FAM135B: variants seen among roughly 807,000 people sequenced by gnomAD.
FAM135B encodes the protein protein FAM135B.
In FAM135B, 43 loss-of-function variants were observed where a neutral mutation model predicts 127.7. The ratio of observed to expected loss-of-function variants is 0.34; its 90% CI spans 0.26 to 0.43. The LOEUF (loss-of-function observed/expected upper bound fraction) is 0.43. Ranked by LOEUF, FAM135B falls within the 20% of genes least tolerant of loss-of-function variation. The probability of loss-of-function intolerance (pLI) is 1.00; values close to 1 mark genes in which losing one functional copy is unlikely to be tolerated. For synonymous variants in FAM135B, 670 were observed against 665.1 expected (o/e 1.01, Z -0.11); for missense variants, 1,558 against 1,725.6 (o/e 0.90, Z 1.72).
intron 18 of FAM135B, among the ~76,000 whole-genome samples, chr8:138,138,784 C>T (rs1419321514): frequency 4.6e-5 from 7 of 152,244 alleles, no homozygotes; most frequent in South Asian, 2.1e-4. Context: ...CAATCTCTCA[C>T]GTGCCATATG....
At chr8:138,333,324 G>C (rs964766074) in intron 2 of FAM135B, among the ~76,000 whole-genome samples, 1 of 152,158 alleles carries the variant, frequency 6.6e-6, no homozygotes, top group Non-Finnish European at 1.5e-5. Context: ...CCTATTTTCT[G>C]ATAGCATCTT....
intron 13 of FAM135B, among the ~76,000 whole-genome samples, chr8:138,149,708 C>T (rs549525092): frequency 9.9e-5 from 15 of 152,262 alleles, no homozygotes; most frequent in African/African-American, 3.6e-4. Context: ...AGAGTAGATG[C>T]CATCTTCTCT....
chr8:138,213,392 T>C (rs1228820736), intron 7 of FAM135B, among the ~76,000 whole-genome samples: 2 of 152,228 alleles, frequency 1.3e-5, no homozygotes, highest in African/African-American at 4.8e-5. Flanking sequence ...CAACAGCATG[T>C]CATCTCATTT....
At chr8:138,310,499 C>A (rs149225469) in intron 3 of FAM135B, among the ~76,000 whole-genome samples, 1 of 152,128 alleles carries the variant, frequency 6.6e-6, no homozygotes, top group Non-Finnish European at 1.5e-5. Flanking sequence ...AGTTGATTCC[C>A]AGGTTCCCTT....
intron 1 of FAM135B, among the ~76,000 whole-genome samples, chr8:138,386,707 A>G (rs1832239479): frequency 6.6e-6 from 1 of 152,242 alleles, no homozygotes; most frequent in Non-Finnish European, 1.5e-5. Flanking sequence ...TTTTTAAAAC[A>G]ATCTTCCTTT....
intron 12 of FAM135B, 132 bp from the exon 13 acceptor site, chr8:138,153,348 C>G: frequency 1.5e-6 from 1 of 661,960 alleles, no homozygotes. Context: ...ATAGGAAGAG[C>G]TCCAGTCTAC....
At chr8:138,229,746 G>T (rs560195373) in intron 7 of FAM135B, among the ~76,000 whole-genome samples, 1 of 152,266 alleles carries the variant, frequency 6.6e-6, no homozygotes, top group South Asian at 2.1e-4. Flanking sequence ...TCACATGGCT[G>T]GGGAGGCCTC....
At position 138,132,642 on chromosome 8, in the gene FAM135B, A is replaced by G. The variant is rs1816299627; in HGVS notation, c.4172T>C (p.Leu1391Pro). 1 of 1,614,100 alleles carries G rather than the reference A, an allele frequency of 6.2e-7. No homozygotes were observed. The highest frequency in any genetic ancestry group is 8.5e-7 in the Non-Finnish European group (1 of 1,180,046). ...CACCAAGAAAAACTTCTCCAGGAAG[A>G]GTTCTGAATCCAGCACAGCGATGTG... Reference protein sequence around the residue: ...AAHIAVLDSELFLEKFFLVAG... With the variant: ...AAHIAVLDSEPFLEKFFLVAG... The change falls in exon 20 of 20, where the codon CTC (leucine) becomes CCC (proline). Residue 1391 changes from leucine (L) to proline (P), a missense_variant. By Grantham distance (98) the Leu-to-Pro change is moderately conservative (BLOSUM62 -3). Coordinates refer to ENST00000395297, the MANE Select transcript of FAM135B (RefSeq NM_015912.4). The surrounding 1 kb of genome is among the most constrained non-coding windows in gnomAD (Gnocchi z 4.5).
At chr8:138,345,563 C>CT (rs34599371) in intron 2 of FAM135B, among the ~76,000 whole-genome samples, 64,227 of 151,964 alleles carry the variant, frequency 0.42, 14,146 homozygotes, top group East Asian at 0.66. Context: ...TGTGGTACCC[C>CT]AACCCATTTG....
intron 2 of FAM135B, among the ~76,000 whole-genome samples, chr8:138,345,882 T>C (rs1829374684): frequency 6.6e-6 from 1 of 152,208 alleles, no homozygotes; most frequent in African/African-American, 2.4e-5. Context: ...GTTCTATGAT[T>C]AAGTTATATG....
intron 1 of FAM135B, among the ~76,000 whole-genome samples, chr8:138,408,204 T>A (rs1833643728): frequency 6.6e-6 from 1 of 152,230 alleles, no homozygotes; most frequent in South Asian, 2.1e-4. Flanking sequence ...CCTCTCTAGT[T>A]ATCAAAGGTT....
At chr8:138,147,796 T>C (rs1817776479) in intron 14 of FAM135B, among the ~76,000 whole-genome samples, 1 of 152,164 alleles carries the variant, frequency 6.6e-6, no homozygotes, top group African/African-American at 2.4e-5. Flanking sequence ...AAATTGCCTA[T>C]AACCTGATCC....
chr8:138,347,195 A>C (rs141891942), intron 2 of FAM135B, among the ~76,000 whole-genome samples: 1 of 152,308 alleles, frequency 6.6e-6, no homozygotes, highest in Non-Finnish European at 1.5e-5. Flanking sequence ...CACTCAGGGA[A>C]TGGGACTTGA....
chr8:138,250,257 G>A (rs1463020385), intron 6 of FAM135B, among the ~76,000 whole-genome samples: 2 of 152,184 alleles, frequency 1.3e-5, no homozygotes, highest in Non-Finnish European at 2.9e-5. Context: ...GGAGGCTGAG[G>A]TAGGAGAATT....
chr8:138,329,259 G>A (rs558996363), intron 2 of FAM135B, among the ~76,000 whole-genome samples: 28 of 152,262 alleles, frequency 1.8e-4, no homozygotes, highest in African/African-American at 6.7e-4. Flanking sequence ...CAACTGTTTT[G>A]TCACAGAAAA....
chr8:138,236,399 TACAC>T (rs35317285), intron 7 of FAM135B, among the ~76,000 whole-genome samples: 28,030 of 144,674 alleles, frequency 0.19, 2,784 homozygotes, highest in Non-Finnish European at 0.23. Context: ...CACACACACA[TACAC>T]ACACACACAC....
At position 138,151,873 on chromosome 8, in the gene FAM135B, C is replaced by A; in HGVS notation, c.2602G>T (p.Glu868Ter). The A allele has an allele frequency of 6.2e-7, 1 of 1,614,050 alleles. No individual in the cohort carries two copies. ...TTGGTTTCAACACCTGGAGTGTTCT[C>A]AGTCCTGCCATCAGGAAGACAGTGT... is the stretch of plus-strand genomic sequence containing the variant. ...QGHCLPDGRT[E>*]NTPGVETKGL... is the part of the protein sequence containing the mutation. The change falls in exon 13 of 20, where the codon GAG becomes TAG. Residue 868 changes from glutamate to a stop codon, truncating the protein, a stop_gained. Coordinates refer to ENST00000395297, the MANE Select transcript of FAM135B (RefSeq NM_015912.4). LOFTEE classifies it high-confidence loss of function.
At chr8:138,391,858 T>C (rs187382859) in intron 1 of FAM135B, among the ~76,000 whole-genome samples, 3 of 152,264 alleles carry the variant, frequency 2.0e-5, no homozygotes, top group Admixed American at 1.3e-4. Flanking sequence ...GTCACACAGC[T>C]AAATCAGTAA....
chr8:138,305,468 T>C (rs11988027), intron 3 of FAM135B, among the ~76,000 whole-genome samples: 5,126 of 152,264 alleles, frequency 0.034, 181 homozygotes, highest in East Asian at 0.15. Flanking sequence ...GAGCCAAGGC[T>C]AAGTATATTT....
Sources: gnomAD v4.1 joint callset for allele counts (sites outside exome capture counted in the v4.1 genomes callset) on GRCh38, gnomAD v4.1.1 for gene constraint, Gnocchi (gnomAD v3.1) non-coding constraint, MANE v1.5 for transcripts, NCBI Gene and HGNC (gene_info 2026-07-23, HGNC 2026-07-21) for gene names.